Variants in QKI observed in about 807,000 individuals in gnomAD.
QKI encodes QKI, KH domain containing RNA binding, also known as KH domain-containing RNA-binding protein QKI.
A neutral mutation model predicts 39.0 loss-of-function variants in QKI; 10 were observed. The ratio of observed to expected loss-of-function variants is 0.26; its 90% CI spans 0.16 to 0.43. The LOEUF is 0.43. Ranked by LOEUF, QKI falls within the 20% of genes least tolerant of loss-of-function variation. QKI has a pLI of 1.00. For missense variants in QKI, 218 were observed against 428.0 expected (o/e 0.51, Z 4.33); for synonymous variants, 204 against 155.4 (o/e 1.31, Z -2.33).
intron 4 of QKI, among the ~76,000 whole-genome samples, chr6:163,542,523 G>A (rs577603058): frequency 6.6e-6 from 1 of 152,030 alleles, no homozygotes; most frequent in Non-Finnish European, 1.5e-5. Flanking sequence ...TGGGGAGATA[G>A]AGTACTAAGC....
In QKI at chr6:163,426,107, G is replaced by A. The variant is rs189229792; in HGVS notation, c.142+10772G>A. ...AAGATGGATTAATCCTACAGATAAC[G>A]TAATAACCAGTCCATATTCAGATTT... On this transcript the variant is annotated intron_variant, in intron 1 of 7. Coordinates refer to ENST00000361752, the MANE Select transcript of QKI (RefSeq NM_006775.3). 2.5e-3 allele frequency among the ~76,000 whole-genome samples: 386 copies of A among 152,238 alleles called. 2 individuals are homozygous for A. The highest frequency in any genetic ancestry group is 8.4e-3 in the African/African-American group (347 of 41,540).
At chr6:163,532,475 TA>T (rs2128240604) in intron 3 of QKI, among the ~76,000 whole-genome samples, 1 of 152,352 alleles carries the variant, frequency 6.6e-6, no homozygotes, top group Non-Finnish European at 1.5e-5. Flanking sequence ...TTCCTATAAA[TA>T]TCTTTGAGCT....
chr6:163,565,424 G>A (rs1191188935), intron 6 of QKI: 1 of 986,120 alleles, frequency 1.0e-6, no homozygotes, highest in Non-Finnish European at 1.2e-6. Flanking sequence ...AATTGTACTT[G>A]TATATGATTA....
intron 3 of QKI, among the ~76,000 whole-genome samples, chr6:163,505,546 T>C (rs1470123598): frequency 6.6e-6 from 1 of 152,158 alleles, no homozygotes; most frequent in African/African-American, 2.4e-5. Context: ...CAAAGGAGAT[T>C]TTGGAGCTTT....
intron 4 of QKI, among the ~76,000 whole-genome samples, chr6:163,552,940 T>G (rs1394465652): frequency 1.3e-5 from 2 of 151,624 alleles, no homozygotes. Flanking sequence ...CCTCTAAGCC[T>G]CCTCACCACC....
intron 3 of QKI, among the ~76,000 whole-genome samples, chr6:163,501,296 A>AC (rs1343873457): frequency 6.6e-6 from 1 of 151,592 alleles, no homozygotes; most frequent in Non-Finnish European, 1.5e-5. Flanking sequence ...TAAAAAAAAA[A>AC]AACCCAAAGC....
Position 163,575,598 on chromosome 6 carries a change from G to A in QKI, c.*4888G>A, listed in dbSNP as rs1446327425. 6.6e-6 allele frequency: 1 copy of A among 152,156 alleles called. No homozygotes were observed. The highest frequency in any genetic ancestry group is 2.4e-5 in the African/African-American group (1 of 41,436). 9.4% of individuals were successfully genotyped at this position (152,156 alleles called of 1,614,324 possible). ...AACATGAAAGTAGTTACTCCCATAC[G>A]CACCAGTGCAGTAGCTCCAGGTGTA... On this transcript the variant is annotated 3_prime_UTR_variant, in exon 8 of 8. Coordinates refer to ENST00000361752, the MANE Select transcript of QKI (RefSeq NM_006775.3).
chr6:163,462,728 G>A (rs935458348), intron 2 of QKI, among the ~76,000 whole-genome samples: 2 of 152,134 alleles, frequency 1.3e-5, no homozygotes, highest in African/African-American at 4.8e-5. Flanking sequence ...TCTGTGCTAG[G>A]TAACAGGACA....
intron 2 of QKI, among the ~76,000 whole-genome samples, chr6:163,465,522 G>A (rs574486194): frequency 8.6e-5 from 13 of 151,702 alleles, no homozygotes; most frequent in African/African-American, 3.1e-4. Flanking sequence ...CAGCTTGCTC[G>A]GGAGGCTGAG....
chr6:163,445,557 C>G (rs1452151581), intron 1 of QKI, among the ~76,000 whole-genome samples: 1 of 150,672 alleles, frequency 6.6e-6, no homozygotes, highest in Admixed American at 6.6e-5. Flanking sequence ...TTTGGCAAAA[C>G]AATCACACAC....
chr6:163,543,968 G>A (rs188781240), intron 4 of QKI, among the ~76,000 whole-genome samples: 3 of 151,998 alleles, frequency 2.0e-5, no homozygotes, highest in African/African-American at 7.2e-5. Context: ...ATTTTACTCA[G>A]TGCATGTAAT....
intron 3 of QKI, among the ~76,000 whole-genome samples, chr6:163,534,398 A>G (rs1041206459): frequency 1.1e-4 from 16 of 152,228 alleles, no homozygotes; most frequent in African/African-American, 3.6e-4. Flanking sequence ...TTACACAATA[A>G]CATCTATATG....
At chr6:163,449,815 A>G (rs1438522373) in intron 1 of QKI, among the ~76,000 whole-genome samples, 1 of 152,042 alleles carries the variant, frequency 6.6e-6, no homozygotes, top group Non-Finnish European at 1.5e-5. Context: ...AGCCTTAGCT[A>G]TGTATTTATA....
chr6:163,564,450 T>G, intron 6 of QKI: 1 of 1,406,784 alleles, frequency 7.1e-7, no homozygotes, highest in Non-Finnish European at 9.2e-7. Flanking sequence ...ATTCTTAAGA[T>G]TTTTCAGTTC....
intron 1 of QKI, among the ~76,000 whole-genome samples, chr6:163,443,585 A>G (rs1244301118): frequency 6.6e-6 from 1 of 152,130 alleles, no homozygotes; most frequent in South Asian, 2.1e-4. Flanking sequence ...CAACAACAAC[A>G]ACTCCTCTTG....
intron 4 of QKI, among the ~76,000 whole-genome samples, chr6:163,542,196 C>CA (rs1285802001): frequency 2.6e-5 from 4 of 152,000 alleles, no homozygotes; most frequent in Non-Finnish European, 5.9e-5. Context: ...TCTCTCCACA[C>CA]AGGAGCACAC....
chr6:163,483,492 A>AT (rs199662778), intron 3 of QKI, among the ~76,000 whole-genome samples: 3 of 151,812 alleles, frequency 2.0e-5, no homozygotes, highest in Non-Finnish European at 4.4e-5. Flanking sequence ...AATATTATAA[A>AT]TTTTTTTTTG....
chr6:163,504,675 A>G (rs566391281), intron 3 of QKI, among the ~76,000 whole-genome samples: 9 of 152,298 alleles, frequency 5.9e-5, no homozygotes, highest in African/African-American at 2.2e-4. Flanking sequence ...CAGGAATGCA[A>G]CTGATTTTTG....
intron 3 of QKI, among the ~76,000 whole-genome samples, chr6:163,522,681 A>T (rs952188350): frequency 1.3e-5 from 2 of 152,174 alleles, no homozygotes; most frequent in Non-Finnish European, 2.9e-5. Context: ...ATTATAAATT[A>T]TGTGCCTGTT....
Sources: gnomAD v4.1 joint callset for allele counts (sites outside exome capture counted in the v4.1 genomes callset) on GRCh38, gnomAD v4.1.1 for gene constraint, MANE v1.5 for transcripts, NCBI Gene and HGNC (gene_info 2026-07-23, HGNC 2026-07-21) for gene names.